ST8SIA6: variants seen among roughly 807,000 people sequenced by gnomAD.
The protein encoded by ST8SIA6 is ST8 alpha-N-acetyl-neuraminide alpha-2,8-sialyltransferase 6, also known as alpha-2,8-sialyltransferase 8F.
A neutral mutation model predicts 33.6 loss-of-function variants in ST8SIA6; 39 were observed. The observed-to-expected ratio is 1.16, with a 90% CI of 0.90 to 1.52. ST8SIA6 has a LOEUF of 1.52. Ranked by LOEUF, ST8SIA6 falls within the 40% of genes most tolerant of loss-of-function variation. ST8SIA6 has a pLI of 0.00. For missense variants in ST8SIA6, 441 were observed against 443.8 expected (o/e 0.99, Z 0.06); for synonymous variants, 172 against 167.2 (o/e 1.03, Z -0.22).
intron 4 of ST8SIA6, among the ~76,000 whole-genome samples, chr10:17,340,506 T>A (rs1213362643): frequency 6.6e-6 from 1 of 152,218 alleles, no homozygotes; most frequent in Non-Finnish European, 1.5e-5. Flanking sequence ...CCAGCCAATA[T>A]GGGAATGTCG....
intron 4 of ST8SIA6, among the ~76,000 whole-genome samples, chr10:17,335,130 T>C (rs1848460823): frequency 6.6e-6 from 1 of 152,248 alleles, no homozygotes; most frequent in Admixed American, 6.5e-5. Context: ...TTTTCTCTTC[T>C]CTCAGGTTTT....
At chr10:17,334,162 A>T (rs1010956550) in intron 4 of ST8SIA6, among the ~76,000 whole-genome samples, 3 of 152,120 alleles carry the variant, frequency 2.0e-5, no homozygotes, top group African/African-American at 7.2e-5. Flanking sequence ...TAACATTTTT[A>T]AAAATACGAA....
intron 2 of ST8SIA6, among the ~76,000 whole-genome samples, chr10:17,394,711 G>A (rs1442285410): frequency 2.0e-5 from 3 of 152,108 alleles, no homozygotes; most frequent in East Asian, 3.9e-4. Context: ...TCTCAATTCT[G>A]GGATAAGAGA....
chr10:17,381,756 A>AT (rs1209846114), intron 3 of ST8SIA6, among the ~76,000 whole-genome samples: 1 of 152,190 alleles, frequency 6.6e-6, no homozygotes, highest in East Asian at 1.9e-4. Flanking sequence ...TGCTTGTGTA[A>AT]TTTTTAATAA....
At chr10:17,373,678 T>G (rs1335477884) in intron 3 of ST8SIA6, among the ~76,000 whole-genome samples, 1 of 152,202 alleles carries the variant, frequency 6.6e-6, no homozygotes, top group African/African-American at 2.4e-5. Context: ...TTTGAAGGCA[T>G]TGAAAACAGC....
At chr10:17,326,175 T>C (rs950461231) in intron 6 of ST8SIA6, among the ~76,000 whole-genome samples, 21 of 152,144 alleles carry the variant, frequency 1.4e-4, no homozygotes, top group African/African-American at 5.1e-4. Flanking sequence ...GAGGGAGCTG[T>C]TTACTAGAAA....
intron 2 of ST8SIA6, among the ~76,000 whole-genome samples, chr10:17,416,217 C>A (rs1851603253): frequency 6.6e-6 from 1 of 152,134 alleles, no homozygotes; most frequent in Non-Finnish European, 1.5e-5. Context: ...CTGGCTGCTC[C>A]CTCTGCCTCT....
intron 4 of ST8SIA6, among the ~76,000 whole-genome samples, chr10:17,333,699 ATATATATATATATATATATTTTTTT>A (rs1848388138): frequency 4.3e-5 from 1 of 23,038 alleles, no homozygotes; most frequent in Non-Finnish European, 7.3e-5. Context: ...ATATATATAT[ATATATATATATATATATATTTTTTT>A]TTTTTTTTTT....
intron 3 of ST8SIA6, among the ~76,000 whole-genome samples, chr10:17,379,603 G>T (rs543542385): frequency 6.6e-6 from 1 of 152,170 alleles, no homozygotes; most frequent in Non-Finnish European, 1.5e-5. Flanking sequence ...GAATGCAACC[G>T]TTTGTCTCTC....
At chr10:17,400,260 C>T (rs536845704) in intron 2 of ST8SIA6, among the ~76,000 whole-genome samples, 49 of 152,168 alleles carry the variant, frequency 3.2e-4, no homozygotes, top group African/African-American at 1.2e-3. Context: ...TGGCCAGGTG[C>T]ATTGGCTCAT....
intron 4 of ST8SIA6, among the ~76,000 whole-genome samples, chr10:17,344,481 G>C (rs1457062966): frequency 6.6e-6 from 1 of 152,156 alleles, no homozygotes; most frequent in African/African-American, 2.4e-5. Context: ...GATCTCATGA[G>C]ACTTACTCAC....
At chr10:17,408,150 C>G (rs750495823) in intron 2 of ST8SIA6, 1 of 152,516 alleles carries the variant, frequency 6.6e-6, no homozygotes, top group Non-Finnish European at 1.5e-5. Context: ...GGATCCAGCC[C>G]GACAAATGCA....
intron 2 of ST8SIA6, among the ~76,000 whole-genome samples, chr10:17,407,064 TTAC>T (rs1341704957): frequency 1.3e-5 from 2 of 152,172 alleles, no homozygotes; most frequent in Non-Finnish European, 2.9e-5. Flanking sequence ...AGTGTTGGCA[TTAC>T]AGGTGTGAAC....
intron 4 of ST8SIA6, among the ~76,000 whole-genome samples, chr10:17,357,074 T>C (rs7079427): frequency 0.4 from 60,986 of 151,836 alleles, 12,600 homozygotes; most frequent in East Asian, 0.58. Flanking sequence ...GGCATCTAAG[T>C]TAAGGGCAGA....
chr10:17,356,357 A>C (rs909721896), intron 4 of ST8SIA6, among the ~76,000 whole-genome samples: 5 of 151,956 alleles, frequency 3.3e-5, no homozygotes. Flanking sequence ...CTCTTCTATG[A>C]CAACAAAATG....
chr10:17,410,760 C>T (rs1169484505), intron 2 of ST8SIA6: 1 of 151,428 alleles, frequency 6.6e-6, no homozygotes, highest in African/African-American at 2.4e-5. Flanking sequence ...GGTTTCAAAC[C>T]AAAAGATCCC....
At chr10:17,436,762 C>T (rs899041208) in intron 2 of ST8SIA6, among the ~76,000 whole-genome samples, 4 of 151,730 alleles carry the variant, frequency 2.6e-5, no homozygotes, top group African/African-American at 7.3e-5. Flanking sequence ...TTTCTTAATC[C>T]AGTCTATCAT....
At chr10:17,340,787 G>A (rs1001999843) in intron 4 of ST8SIA6, among the ~76,000 whole-genome samples, 1 of 152,166 alleles carries the variant, frequency 6.6e-6, no homozygotes, top group African/African-American at 2.4e-5. Flanking sequence ...TCTCAAGTTC[G>A]TATTTGGAAG....
At chr10:17,321,883 G>A (rs1847961177) in intron 7 of ST8SIA6, among the ~76,000 whole-genome samples, 1 of 152,020 alleles carries the variant, frequency 6.6e-6, no homozygotes, top group Non-Finnish European at 1.5e-5. Flanking sequence ...ATCACTTGAG[G>A]CCAGGAGTTC....
Sources: allele counts gnomAD v4.1 joint callset (sites outside exome capture counted in the v4.1 genomes callset), GRCh38; gene constraint gnomAD v4.1.1; transcripts MANE v1.5; gene names NCBI Gene and HGNC (gene_info 2026-07-23, HGNC 2026-07-21).